The following CCDC91 variants were observed in gnomAD, a reference collection of about 807,000 sequenced individuals.
CCDC91 encodes coiled-coil domain containing 91.
A neutral mutation model predicts 63.2 loss-of-function variants in CCDC91; 48 were observed. The ratio of observed to expected loss-of-function variants is 0.76; its 90% CI spans 0.60 to 0.97. CCDC91 has a LOEUF of 0.97. Ranked by LOEUF, CCDC91 falls within the 50% of genes least tolerant of loss-of-function variation. CCDC91 has a pLI of 0.00. For missense variants in CCDC91, 500 were observed against 494.6 expected (o/e 1.01, Z -0.10); for synonymous variants, 167 against 165.8 (o/e 1.01, Z -0.06).
At chr12:28,282,365 G>T (rs1479598891) in intron 3 of CCDC91, among the ~76,000 whole-genome samples, 2 of 152,078 alleles carry the variant, frequency 1.3e-5, no homozygotes, top group Non-Finnish European at 2.9e-5. Flanking sequence ...TGTAGTATTT[G>T]TTCTTTTGTT....
intron 6 of CCDC91, among the ~76,000 whole-genome samples, chr12:28,326,727 C>A (rs1941043438): frequency 1.3e-5 from 2 of 151,796 alleles, no homozygotes; most frequent in Non-Finnish European, 2.9e-5. Context: ...ATAGAAAATT[C>A]CACAGCTAAT....
chr12:28,418,569 C>T (rs1295715638), intron 8 of CCDC91, among the ~76,000 whole-genome samples: 1 of 152,020 alleles, frequency 6.6e-6, no homozygotes, highest in East Asian at 1.9e-4. Context: ...AATCTCAAAG[C>T]ATAGTGCTGT....
chr12:28,416,542 A>G (rs1156985964), intron 8 of CCDC91, among the ~76,000 whole-genome samples: 1 of 152,144 alleles, frequency 6.6e-6, no homozygotes, highest in Non-Finnish European at 1.5e-5. Flanking sequence ...ATGGAAAATT[A>G]CTGAAAGGAT....
intron 6 of CCDC91, among the ~76,000 whole-genome samples, chr12:28,353,504 T>C (rs1266419127): frequency 6.6e-6 from 1 of 152,176 alleles, no homozygotes; most frequent in Admixed American, 6.5e-5. Flanking sequence ...TGATTTAAAG[T>C]GAGAGCCATA....
At chr12:28,343,670 G>A (rs1942602173) in intron 6 of CCDC91, among the ~76,000 whole-genome samples, 1 of 152,006 alleles carries the variant, frequency 6.6e-6, no homozygotes, top group East Asian at 1.9e-4. Context: ...GTCTTTTCTG[G>A]TTCTATAATT....
rs536909965 is a variant in CCDC91 at position 28,306,667 on chromosome 12, G to C, written c.268-75G>C. Reference sequence around the variant, plus strand: ...TTAATTTCCAAATGTGGTTTCTAGTGCCCTTTGGATGTTTTCATTATTGGT... The same window carrying C: ...TTAATTTCCAAATGTGGTTTCTAGTCCCCTTTGGATGTTTTCATTATTGGT... On this transcript the variant is annotated intron_variant, in intron 4 of 12. Coordinates refer to ENST00000536442, the MANE Select transcript of CCDC91 (RefSeq NM_018318.5). 1.1e-4 allele frequency: 110 copies of C among 970,166 alleles called. 2 individuals are homozygous for C. The South Asian group carries it at 1.8e-3, about 16-fold the overall frequency. 60.1% of individuals were successfully genotyped at this position (970,166 alleles called of 1,614,324 possible).
rs552484687 is a variant in CCDC91, at chr12:28,194,589, G to A, written c.-15+3948G>A. On this transcript the variant is annotated intron_variant, in intron 1 of 12. Coordinates refer to ENST00000536442, the MANE Select transcript of CCDC91 (RefSeq NM_018318.5). ...CATCCGAAATTGTTCATTCCTCCTG[G>A]TGGGTTTGTGGCCTTGCTGGCTTCA... Among the ~76,000 whole-genome samples, 6 of 152,122 alleles carry A rather than the reference G, an allele frequency of 3.9e-5. No individual in the cohort carries two copies. In the South Asian group the frequency reaches 6.2e-4, roughly 16 times the overall value.
intron 12 of CCDC91, among the ~76,000 whole-genome samples, chr12:28,514,966 T>A (rs557581388): frequency 6.6e-6 from 1 of 151,872 alleles, no homozygotes; most frequent in African/African-American, 2.4e-5. Flanking sequence ...CAAACCCCCA[T>A]GACAAAAGTT....
At chr12:28,524,516 G>A (rs902501714) in intron 12 of CCDC91, among the ~76,000 whole-genome samples, 1 of 151,974 alleles carries the variant, frequency 6.6e-6, no homozygotes, top group Non-Finnish European at 1.5e-5. Context: ...ATTTTGTTGA[G>A]GTTTTTTGCA....
intron 1 of CCDC91, among the ~76,000 whole-genome samples, chr12:28,251,016 T>G (rs150395116): frequency 2.0e-5 from 3 of 151,768 alleles, no homozygotes; most frequent in Non-Finnish European, 3.0e-5. Context: ...TTTCTCTAAT[T>G]TCTGTTTGCC....
At chr12:28,274,632 G>C (rs1295867775) in intron 3 of CCDC91, among the ~76,000 whole-genome samples, 1 of 151,918 alleles carries the variant, frequency 6.6e-6, no homozygotes, top group Non-Finnish European at 1.5e-5. Flanking sequence ...TCATGATTTG[G>C]CTCTCTGTTT....
At chr12:28,324,816 A>G (rs921015762) in intron 6 of CCDC91, among the ~76,000 whole-genome samples, 2 of 151,890 alleles carry the variant, frequency 1.3e-5, no homozygotes, top group Non-Finnish European at 2.9e-5. Flanking sequence ...TTTTTTGTTT[A>G]GTATCTTACT....
chr12:28,268,479 G>C (rs1947513104), intron 3 of CCDC91: 1 of 159,106 alleles, frequency 6.3e-6, no homozygotes, highest in African/African-American at 2.4e-5. Context: ...GTACCTTTAA[G>C]AGATCAGTAG....
intron 1 of CCDC91, among the ~76,000 whole-genome samples, chr12:28,212,312 G>T (rs1943286595): frequency 6.6e-6 from 1 of 152,226 alleles, no homozygotes; most frequent in East Asian, 1.9e-4. Flanking sequence ...GATTCAAAGA[G>T]ACTCCAGTGT....
chr12:28,325,884 T>A (rs1273757593), intron 6 of CCDC91, among the ~76,000 whole-genome samples: 2 of 152,066 alleles, frequency 1.3e-5, no homozygotes, highest in Non-Finnish European at 2.9e-5. Flanking sequence ...TTTTATATTT[T>A]AAAAAATGTA....
rs1945239881 is a variant in CCDC91, at chr12:28,380,607, T to C, written c.655-10697T>C. On this transcript the variant is annotated intron_variant, in intron 7 of 12. Coordinates refer to ENST00000536442, the MANE Select transcript of CCDC91 (RefSeq NM_018318.5). ...CCATAATAAGATTATTTATTCATTT[T>C]GACCTGATTGAGATTTGACCTGTTC... 2.0e-5 allele frequency among the ~76,000 whole-genome samples: 3 copies of C among 152,272 alleles called. No homozygotes were observed. The South Asian group carries it at 6.2e-4, about 32-fold the overall frequency.
chr12:28,468,776 G>A (rs555338561), intron 11 of CCDC91, among the ~76,000 whole-genome samples: 2 of 151,954 alleles, frequency 1.3e-5, no homozygotes, highest in Non-Finnish European at 2.9e-5. Flanking sequence ...ATGCAAGGAC[G>A]GTTAACAAAT....
chr12:28,487,319 A>G lies in CCDC91; in HGVS notation c.1215+3154A>G, dbSNP rs1951777101. 7.9e-5 allele frequency among the ~76,000 whole-genome samples: 12 copies of G among 151,862 alleles called. No homozygotes were observed. In the South Asian group the frequency reaches 2.5e-3, roughly 31 times the overall value. ...TAAATGATCTGAAATGGAACTAATTACTAATTACTAGACCTCTTTATTATG... is the reference window on the plus strand; with the variant it reads ...TAAATGATCTGAAATGGAACTAATTGCTAATTACTAGACCTCTTTATTATG... On this transcript the variant is annotated intron_variant, in intron 12 of 12. Transcript: ENST00000536442.
chr12:28,380,388 T>C (rs1232614323), intron 7 of CCDC91, among the ~76,000 whole-genome samples: 3 of 152,086 alleles, frequency 2.0e-5, no homozygotes, highest in Non-Finnish European at 4.4e-5. Context: ...CTTTTCCCTC[T>C]CAATAATTTT....
Sources: allele counts gnomAD v4.1 joint callset (sites outside exome capture counted in the v4.1 genomes callset), GRCh38; gene constraint gnomAD v4.1.1; transcripts MANE v1.5; gene names NCBI Gene and HGNC (gene_info 2026-07-23, HGNC 2026-07-21).